The following LMLN variants were observed in gnomAD, a reference collection of about 807,000 sequenced individuals.
The protein encoded by LMLN is leishmanolysin-like peptidase.
LMLN carries 70 observed loss-of-function variants against 92.3 expected under a neutral mutation model. That is an observed-to-expected ratio of 0.76 (90% CI 0.63 to 0.92). LMLN has a LOEUF of 0.92. Among genes scored for constraint, LMLN ranks in the 40% least tolerant of loss-of-function variants. LMLN has a pLI of 0.00. For missense variants in LMLN, 691 were observed against 814.6 expected (o/e 0.85, Z 1.85); for synonymous variants, 308 against 296.2 (o/e 1.04, Z -0.41).
intron 1 of LMLN, among the ~76,000 whole-genome samples, chr3:197,972,496 T>A (rs189790918): frequency 7.7e-4 from 117 of 152,338 alleles, no homozygotes; most frequent in African/African-American, 2.8e-3. Context: ...GTATGTTTTC[T>A]TTTAAGTTCC....
rs897701232 is a variant in LMLN at position 198,019,455 on chromosome 3, G to GT, written c.1365+71dup. On this transcript the variant is annotated intron_variant, in intron 12 of 15. Transcript: ENST00000330198. The surrounding 1 kb of genome is among the most constrained non-coding windows in gnomAD (Gnocchi z 5.5). Reference sequence around the variant, plus strand: ...AGTAGTCTCCATTTTAACTAAAAGAGTAAATTCTCTTAAGATTCTTAATTT... The same window carrying GT: ...AGTAGTCTCCATTTTAACTAAAAGAGTTAAATTCTCTTAAGATTCTTAATTT... The GT allele has an allele frequency of 7.0e-7, 1 of 1,434,710 alleles. No homozygotes were observed. Among genetic ancestry groups the GT allele is most frequent in the African/African-American group, 1.4e-5 (1 of 69,802 alleles). 88.9% of individuals were successfully genotyped at this position (1,434,710 alleles called of 1,614,324 possible).
At chr3:198,024,693 C>G (rs1722879272) in exon 14 of LMLN, 1 of 1,610,072 alleles carries the variant, frequency 6.2e-7, no homozygotes, top group East Asian at 2.2e-5. Flanking sequence ...AAAGTATGGA[C>G]CTCATTCCGT....
intron 11 of LMLN, among the ~76,000 whole-genome samples, chr3:198,001,944 C>T (rs75604374): frequency 1.5e-3 from 234 of 152,180 alleles, no homozygotes; most frequent in African/African-American, 5.1e-3. Flanking sequence ...TGAGCCACTG[C>T]GCCCAGCCCT....
At chr3:198,038,746 A>G in exon 16 of LMLN, 1 of 1,059,522 alleles carries the variant, frequency 9.4e-7, no homozygotes, top group Admixed American at 1.7e-5. Context: ...GTGAGTGCCA[A>G]CCTATGCAGA....
chr3:197,978,074 A>G (rs1288525808), intron 5 of LMLN, among the ~76,000 whole-genome samples: 2 of 152,030 alleles, frequency 1.3e-5, no homozygotes, highest in African/African-American at 4.8e-5. Context: ...TATAAAAATT[A>G]TCAAACAATC....
chr3:198,016,354 C>T (rs1056228958), intron 11 of LMLN, among the ~76,000 whole-genome samples: 2 of 152,128 alleles, frequency 1.3e-5, no homozygotes, highest in African/African-American at 2.4e-5. Flanking sequence ...CCGGAAGCAC[C>T]GGCAACCACT....
chr3:198,022,323 C>T (rs1310391730), intron 13 of LMLN, among the ~76,000 whole-genome samples: 1 of 152,182 alleles, frequency 6.6e-6, no homozygotes, highest in Non-Finnish European at 1.5e-5. Flanking sequence ...ACAGCTCATA[C>T]TAATTACCTT....
chr3:198,040,141 T>C (rs888227083), exon 16 of LMLN: 1 of 152,186 alleles, frequency 6.6e-6, no homozygotes, highest in Non-Finnish European at 1.5e-5. Context: ...CTGAAAATGG[T>C]TTTATGTTTA....
chr3:197,999,081 A>C (rs1722102343), intron 10 of LMLN, among the ~76,000 whole-genome samples, 185 bp from the exon 11 acceptor site: 1 of 152,250 alleles, frequency 6.6e-6, no homozygotes, highest in Non-Finnish European at 1.5e-5. Context: ...TAGGGCAGAA[A>C]ATAGATTTCA....
At chr3:198,035,214 A>AAG (rs1723179086) in intron 14 of LMLN, among the ~76,000 whole-genome samples, 1 of 151,580 alleles carries the variant, frequency 6.6e-6, no homozygotes, top group African/African-American at 2.4e-5. Context: ...AAAAAAAAAA[A>AAG]AAAGCTGTAT....
intron 14 of LMLN, among the ~76,000 whole-genome samples, chr3:198,033,098 A>C (rs749372685): frequency 6.6e-6 from 1 of 152,064 alleles, no homozygotes; most frequent in Non-Finnish European, 1.5e-5. Flanking sequence ...CCCACACTTA[A>C]TTCCCAGAAT....
Position 197,976,117 on chromosome 3 carries a change from T to G in LMLN, c.431+6T>G. On this transcript the variant is annotated splice_donor_region_variant and intron_variant, in intron 4 of 15. Coordinates refer to ENST00000330198, the Ensembl canonical transcript of LMLN. ...GGCACTATCTTACTTAGCAGGTATGTCACATGAAACACAGATCATTTTCTT... is the reference window on the plus strand; with the variant it reads ...GGCACTATCTTACTTAGCAGGTATGGCACATGAAACACAGATCATTTTCTT... 6.4e-7 allele frequency: 1 copy of G among 1,572,058 alleles called. No homozygotes were observed. The highest frequency in any genetic ancestry group is 8.7e-7 in the Non-Finnish European group (1 of 1,146,986).
intron 11 of LMLN, among the ~76,000 whole-genome samples, chr3:198,016,380 T>A (rs371872579): frequency 1.3e-5 from 2 of 152,200 alleles, no homozygotes; most frequent in South Asian, 4.1e-4. Flanking sequence ...TGTCCCCAGC[T>A]TGTTACCCCT....
chr3:197,981,116 A>G (rs1188512489), intron 6 of LMLN, among the ~76,000 whole-genome samples: 1 of 148,178 alleles, frequency 6.7e-6, no homozygotes, highest in Non-Finnish European at 1.5e-5. Flanking sequence ...CAAAAAAGAA[A>G]AAACAAAATG....
rs1467794832 is a variant in LMLN at position 198,004,665 on chromosome 3, CTA to C, written c.1232+5325_1232+5326del. ...ATATCATACGTAGTAAGTTTGACAT[CTA>C]TCTATATATCATCTATACAGATACA... On this transcript the variant is annotated intron_variant, in intron 11 of 15. Transcript: ENST00000330198. Among the ~76,000 whole-genome samples the C allele has an allele frequency of 1.8e-4, 3 of 16,314 alleles. No homozygotes were observed. In the Admixed American group the frequency reaches 2.3e-3, roughly 12 times the overall value. 10.7% of individuals were successfully genotyped at this position (16,314 alleles called of 152,430 possible). A position where few individuals can be genotyped will look rare whatever the true frequency, so the allele number is the denominator to read the frequency against.
intron 9 of LMLN, 88 bp from the exon 10 acceptor site, chr3:197,996,087 C>T (rs1195630775): frequency 1.8e-6 from 1 of 563,862 alleles, no homozygotes; most frequent in Non-Finnish European, 3.0e-6. Context: ...TTAATGTTAA[C>T]TTATTATATT....
At chr3:197,978,136 C>T (rs554859255) in intron 5 of LMLN, among the ~76,000 whole-genome samples, 14 of 150,622 alleles carry the variant, frequency 9.3e-5, no homozygotes, top group African/African-American at 3.4e-4. Flanking sequence ...ATCAAACAAT[C>T]TGGAAGTATA....
chr3:197,991,446 A>T (rs1442692585), intron 9 of LMLN, among the ~76,000 whole-genome samples: 1 of 152,058 alleles, frequency 6.6e-6, no homozygotes, highest in East Asian at 1.9e-4. Context: ...TGACTGTGGA[A>T]GTTGGGCGAG....
chr3:197,980,504 G>C, exon 6 of LMLN: 4 of 1,610,602 alleles, frequency 2.5e-6, no homozygotes. Flanking sequence ...AACATGGACA[G>C]GTAATCTTTC....
Sources: allele counts gnomAD v4.1 joint callset (sites outside exome capture counted in the v4.1 genomes callset), GRCh38; gene constraint gnomAD v4.1.1; non-coding constraint Gnocchi (gnomAD v3.1); transcripts MANE v1.5; gene names NCBI Gene and HGNC (gene_info 2026-07-23, HGNC 2026-07-21).